The following NOS1 variants were observed in gnomAD, a reference collection of about 807,000 sequenced individuals.
NOS1 encodes the protein NOS type I.
NOS1 carries 51 observed loss-of-function variants against 164.5 expected under a neutral mutation model. The observed-to-expected ratio is 0.31, with a 90% CI of 0.25 to 0.39. The LOEUF (loss-of-function observed/expected upper bound fraction) is 0.39, where lower values mean the gene tolerates loss of function less well. Among genes scored for constraint, NOS1 ranks in the 10% least tolerant of loss-of-function variants. NOS1 has a pLI of 1.00. For synonymous variants in NOS1, 719 were observed against 745.8 expected, an observed-to-expected ratio of 0.96 and a Z score of 0.59; for missense variants, 1,362 against 1,885.6, an observed-to-expected ratio of 0.72 and a Z score of 5.14.
At chr12:117,285,387 C>T in intron 6 of NOS1, 55 bp from the exon 7 acceptor site, 1 of 1,204,696 alleles carries the variant, frequency 8.3e-7, no homozygotes, top group Non-Finnish European at 1.2e-6. Context: ...CCCAGCTCCC[C>T]CAGCGCAATC....
At chr12:117,297,597 G>A (rs982140357) in intron 3 of NOS1, among the ~76,000 whole-genome samples, 2 of 151,796 alleles carry the variant, frequency 1.3e-5, no homozygotes, top group Non-Finnish European at 2.9e-5. Context: ...TCTTCATGTT[G>A]GTTGGGCTGA....
rs769895767 is a variant in NOS1, at chr12:117,263,890, C to T, written c.2221G>A (p.Glu741Lys). 1 of 1,613,564 alleles carries T rather than the reference C, an allele frequency of 6.2e-7. No homozygotes were observed. The highest frequency in any genetic ancestry group is 8.5e-7 in the Non-Finnish European group (1 of 1,179,586). ...RRAIGFKKLA[E>K]AVKFSAKLMG... The stretch of plus-strand genomic sequence containing the variant: ...ACCCGCCCACTGCACGAAACTTACT[C>T]TGCTAGCTTCTTGAAGCCAATGGCT... The change falls in exon 13 of 29, where the codon GAA (glutamate) becomes AAA (lysine). Residue 741 changes from glutamate (E) to lysine (K), a missense_variant and splice_region_variant. Transcript: ENST00000317775.
chr12:117,270,044 C>G (rs1872688122), intron 10 of NOS1, among the ~76,000 whole-genome samples: 1 of 152,188 alleles, frequency 6.6e-6, no homozygotes, highest in African/African-American at 2.4e-5. Flanking sequence ...TGGAGCTGCT[C>G]TCTAAGCAGC....
At chr12:117,259,894 C>T (rs1265952236) in intron 14 of NOS1, among the ~76,000 whole-genome samples, 6 of 151,682 alleles carry the variant, frequency 4.0e-5, no homozygotes, top group South Asian at 2.1e-4. Context: ...CCGAGGCGGG[C>T]GAATCAAGAG....
chr12:117,225,252 C>CCTG, intron 24 of NOS1, 115 bp from the exon 25 acceptor site: 1 of 1,382,002 alleles, frequency 7.2e-7, no homozygotes, highest in Non-Finnish European at 9.8e-7. Context: ...AGACTTAAGG[C>CCTG]TCTTCAGCCG....
chr12:117,299,804 G>A (rs924898601), intron 3 of NOS1, among the ~76,000 whole-genome samples: 2 of 151,994 alleles, frequency 1.3e-5, no homozygotes, highest in African/African-American at 2.4e-5. Context: ...GACCTCTGGA[G>A]GACCGAGGGG....
At chr12:117,223,564 T>C (rs897911694) in intron 25 of NOS1, among the ~76,000 whole-genome samples, 2 of 151,618 alleles carry the variant, frequency 1.3e-5, no homozygotes, top group African/African-American at 4.8e-5. Flanking sequence ...CTGGCCTTTT[T>C]ATTTATTTAT....
At chr12:117,354,183 C>T (rs1876757275) in intron 1 of NOS1, among the ~76,000 whole-genome samples, 1 of 152,150 alleles carries the variant, frequency 6.6e-6, no homozygotes, top group Non-Finnish European at 1.5e-5. Context: ...TCAAGAAATC[C>T]TACACCTTGC....
intron 18 of NOS1, chr12:117,246,108 G>C (rs935166099): frequency 2.5e-5 from 4 of 157,474 alleles, no homozygotes; most frequent in African/African-American, 9.7e-5. Context: ...GTATCAATTA[G>C]ACATGCATGG....
At chr12:117,217,652 C>T (rs920826721) in intron 28 of NOS1, among the ~76,000 whole-genome samples, 1 of 151,836 alleles carries the variant, frequency 6.6e-6, no homozygotes, top group Non-Finnish European at 1.5e-5. Context: ...ATGCAGTGAG[C>T]TGAGACTGTG....
chr12:117,330,300 GCACACACACA>G lies in NOS1; in HGVS notation c.725+35_725+44del, dbSNP rs111326073. On this transcript the variant is annotated intron_variant, in intron 2 of 28. Transcript: ENST00000317775. This position sits in a 1 kb window ranked among gnomAD's most constrained non-coding sequence, Gnocchi z 4.6. ...GACGCACATGCACACACACAAGCAT[GCACACACACA>G]CACACACACACACACACACCCCTGT... 1.4e-5 allele frequency: 21 copies of G among 1,492,174 alleles called. No homozygotes were observed. The highest frequency in any genetic ancestry group is 4.7e-5 in the East Asian group (2 of 42,452). 92.4% of individuals were successfully genotyped at this position (1,492,174 alleles called of 1,614,324 possible). A position where few individuals can be genotyped will look rare whatever the true frequency, so the allele number is the denominator to read the frequency against.
chr12:117,208,868 G>T lies in NOS1; in HGVS notation c.*6441C>A. 1.7e-6 allele frequency: 1 copy of T among 602,202 alleles called. No individual in the cohort carries two copies. The highest frequency in any genetic ancestry group is 2.1e-6 in the Non-Finnish European group (1 of 479,422). The allele number at this position is 602,202 out of a possible 1,614,324, so 37.3% of individuals were successfully genotyped here. A position where few individuals can be genotyped will look rare whatever the true frequency, so the allele number is the denominator to read the frequency against. On this transcript the variant is annotated 3_prime_UTR_variant, in exon 29 of 29. Coordinates refer to ENST00000317775, the MANE Select transcript of NOS1 (RefSeq NM_000620.5). The stretch of plus-strand genomic sequence containing the variant: ...CTCCCGAGTAGATGGGATTACAGAT[G>T]CCCGCCACCACGCCGGGCTGATTTT...
At chr12:117,225,626 T>C (rs1345820924) in intron 24 of NOS1, among the ~76,000 whole-genome samples, 1 of 152,072 alleles carries the variant, frequency 6.6e-6, no homozygotes, top group Non-Finnish European at 1.5e-5. Context: ...GCCACCATTT[T>C]TTTTTCTTTC....
At chr12:117,302,553 C>T (rs1873890546) in intron 3 of NOS1, among the ~76,000 whole-genome samples, 1 of 145,340 alleles carries the variant, frequency 6.9e-6, no homozygotes, top group Non-Finnish European at 1.5e-5. Flanking sequence ...CGAGATCGGG[C>T]CACTGCACTC....
Position 117,218,163 on chromosome 12 carries a change from T to A in NOS1, c.4172A>T (p.Asp1391Val). 6.2e-7 allele frequency: 1 copy of A among 1,612,370 alleles called. No individual in the cohort carries two copies. Among genetic ancestry groups the A allele is most frequent in the Admixed American group, 1.7e-5 (1 of 60,000 alleles). The change falls in exon 28 of 29, where the codon GAT becomes GTT. Residue 1391 changes from aspartate (D) to valine (V), a missense_variant and splice_region_variant. Asp to Val is a radical substitution (Grantham distance 152). Around this residue, in one of 4 missense-constraint regions of NOS1, gnomAD observed 737 missense variants for 1,030.3 expected, o/e 0.72. Coordinates refer to ENST00000317775, the MANE Select transcript of NOS1 (RefSeq NM_000620.5). Reference sequence around the variant, plus strand: ...AATATCCTCATGGTATCGGTTGTCATCCTAGAAGACAGAAACAGCCAGAAA... The same window carrying A: ...AATATCCTCATGGTATCGGTTGTCAACCTAGAAGACAGAAACAGCCAGAAA... ...DAGVFISRMRDDNRYHEDIFG... is the reference protein window; with the variant it reads ...DAGVFISRMRVDNRYHEDIFG...
In NOS1 at chr12:117,234,656, G is replaced by A. The variant is rs374883833; in HGVS notation, c.3144C>T (p.Leu1048=). Residue 1048 remains leucine, a synonymous_variant, in exon 21 of 29, where the codon CTC becomes CTT. Transcript: ENST00000317775. This position sits in a 1 kb window ranked among gnomAD's most constrained non-coding sequence, Gnocchi z 4.3. ...CCAGCCGCTCGATCAGGGCATTCAC[G>A]AGGTCCTCGTGGTTGCCAGGGAAGA... The part of the protein sequence containing the change: ...LGVFPGNHED[L]VNALIERLED... 14 of 1,614,046 alleles carry A rather than the reference G, an allele frequency of 8.7e-6. No homozygotes were observed. The highest frequency in any genetic ancestry group is 1.6e-4 in the Middle Eastern group (1 of 6,084).
intron 2 of NOS1, among the ~76,000 whole-genome samples, chr12:117,317,835 C>G (rs992018816): frequency 6.6e-6 from 1 of 152,044 alleles, no homozygotes; most frequent in Non-Finnish European, 1.5e-5. Flanking sequence ...TGGTGGTTCT[C>G]AAACTCCAGG....
At chr12:117,301,553 G>GT (rs1184426399) in intron 3 of NOS1, among the ~76,000 whole-genome samples, 1 of 152,212 alleles carries the variant, frequency 6.6e-6, no homozygotes, top group Non-Finnish European at 1.5e-5. Context: ...AATAGAGGCT[G>GT]TGAGAGGTGA....
At chr12:117,268,992 A>C (rs1246307034) in intron 10 of NOS1, among the ~76,000 whole-genome samples, 1 of 152,218 alleles carries the variant, frequency 6.6e-6, no homozygotes, top group African/African-American at 2.4e-5. Context: ...TACCAGCAGC[A>C]GGAAACTAGA....
Sources: allele counts gnomAD v4.1 joint callset (sites outside exome capture counted in the v4.1 genomes callset), GRCh38; gene constraint gnomAD v4.1.1; regional missense constraint gnomAD v4.1.1; non-coding constraint Gnocchi (gnomAD v3.1); transcripts MANE v1.5; gene names NCBI Gene and HGNC (gene_info 2026-07-23, HGNC 2026-07-21).